SOX9: variants seen among roughly 807,000 people sequenced by gnomAD.
SOX9 encodes SRY-box transcription factor 9, also known as transcription factor SOX-9.
In SOX9, 2 loss-of-function variants were observed where a neutral mutation model predicts 44.8. That is an observed-to-expected ratio of 0.04 (90% CI 0.02 to 0.14). The LOEUF (loss-of-function observed/expected upper bound fraction) is 0.14, where lower values mean the gene tolerates loss of function less well. SOX9 is among the 10% of genes least tolerant of loss of function. SOX9 has a pLI of 1.00. For missense variants in SOX9, 583 were observed against 728.6 expected (o/e 0.80, Z 2.30); for synonymous variants, 381 against 331.8 (o/e 1.15, Z -1.61).
rs1441332525 is a variant in SOX9 at position 72,124,158 on chromosome 17, C to T, written c.1301C>T (p.Pro434Leu). The change falls in exon 3 of 3, where the codon CCC (proline) becomes CTC (leucine). Residue 434 changes from proline to leucine, a missense_variant. Physicochemically the swap from Pro to Leu is moderately conservative, Grantham distance 98. Transcript: ENST00000245479. This position sits in a 1 kb window ranked among gnomAD's most constrained non-coding sequence, Gnocchi z 4.6. ...NLPHYSPSYPPITRSQYDYTD... is the reference protein window; with the variant it reads ...NLPHYSPSYPLITRSQYDYTD... ...CCACACTACAGCCCCTCCTACCCGC[C>T]CATCACCCGCTCACAGTACGACTAC... 6.2e-7 allele frequency: 1 copy of T among 1,613,916 alleles called. No homozygotes were observed. Among genetic ancestry groups the T allele is most frequent in the Non-Finnish European group, 8.5e-7 (1 of 1,180,036 alleles).
rs1908106634 is a variant in SOX9, at chr17:72,121,885, G to A, written c.431+63G>A. On this transcript the variant is annotated intron_variant, in intron 1 of 2. Transcript: ENST00000245479. This position sits in a 1 kb window ranked among gnomAD's most constrained non-coding sequence, Gnocchi z 8.3. ...CGCGGCGGCTGGGGGCGCTGGTCAG[G>A]GCTGATTTGCCCCGCCCCGCCTCCC... The A allele has an allele frequency of 1.4e-6, 2 of 1,468,382 alleles. No individual in the cohort carries two copies. The highest frequency in any genetic ancestry group is 2.5e-5 in the East Asian group (1 of 40,366). The allele number at this position is 1,468,382 out of a possible 1,614,324, so 91.0% of individuals were successfully genotyped here.
At position 72,121,927 on chromosome 17, in the gene SOX9, C is replaced by G. The variant is rs146089313; in HGVS notation, c.431+105C>G. 1.5e-5 allele frequency: 21 copies of G among 1,365,950 alleles called. No homozygotes were observed. In the East Asian group the frequency reaches 1.8e-4, roughly 12 times the overall value. 84.6% of individuals were successfully genotyped at this position (1,365,950 alleles called of 1,614,324 possible). On this transcript the variant is annotated intron_variant, in intron 1 of 2. Coordinates refer to ENST00000245479, the MANE Select transcript of SOX9 (RefSeq NM_000346.4). This position sits in a 1 kb window ranked among gnomAD's most constrained non-coding sequence, Gnocchi z 8.3. The stretch of plus-strand genomic sequence containing the variant: ...CCGCCTCCCATCGCCCGGGAGTTGC[C>G]GTTCCGGGAGCCGGCGGGATGGGGT...
Position 72,124,075 on chromosome 17 carries a change from C to A in SOX9, c.1218C>A (p.His406Gln), listed in dbSNP as rs771153279. 6.2e-7 allele frequency: 1 copy of A among 1,613,626 alleles called. No individual in the cohort carries two copies. Among genetic ancestry groups the A allele is most frequent in the South Asian group, 1.1e-5 (1 of 91,076 alleles). The change falls in exon 3 of 3, where the codon CAC becomes CAA. Residue 406 changes from histidine (H) to glutamine (Q), a missense_variant. His to Gln is a conservative substitution (Grantham distance 24, BLOSUM62 0). This residue lies in a region of SOX9 where 349 missense variants were observed against 387.0 expected (regional missense o/e 0.90). Transcript: ENST00000245479. This position sits in a 1 kb window ranked among gnomAD's most constrained non-coding sequence, Gnocchi z 4.6. ...HIKTEQLSPSHYSEQQQHSPQ... is the reference protein window; with the variant it reads ...HIKTEQLSPSQYSEQQQHSPQ... ...AGACGGAGCAGCTGAGCCCCAGCCA[C>A]TACAGCGAGCAGCAGCAGCACTCGC... is the stretch of plus-strand genomic sequence containing the variant.
rs746125506 is a variant in SOX9, at chr17:72,124,278, G to A, written c.1421G>A (p.Arg474His). ...STFTYMNPAQ[R>H]PMYTPIADTS... is the part of the protein sequence containing the mutation. The stretch of plus-strand genomic sequence containing the variant: ...TTCACCTACATGAACCCCGCTCAGC[G>A]CCCCATGTACACCCCCATCGCCGAC... The change falls in exon 3 of 3, where the codon CGC (arginine) becomes CAC (histidine). Residue 474 changes from arginine (R) to histidine (H), a missense_variant. Physicochemically the swap from Arg to His is conservative, Grantham distance 29. Coordinates refer to ENST00000245479, the MANE Select transcript of SOX9 (RefSeq NM_000346.4). The surrounding 1 kb of genome is among the most constrained non-coding windows in gnomAD (Gnocchi z 4.6). 1.2e-6 allele frequency: 2 copies of A among 1,611,498 alleles called. No homozygotes were observed. Among genetic ancestry groups the A allele is most frequent in the African/African-American group, 1.3e-5 (1 of 74,834 alleles).
rs1908281945 is a variant in SOX9, at chr17:72,126,289, T to C, written c.*1902T>C. 2 of 233,204 alleles carry C rather than the reference T, an allele frequency of 8.6e-6. No individual in the cohort carries two copies. Among genetic ancestry groups the C allele is most frequent in the Admixed American group, 1.1e-4 (2 of 17,762 alleles). 14.4% of individuals were successfully genotyped at this position (233,204 alleles called of 1,614,324 possible). A position where few individuals can be genotyped will look rare whatever the true frequency, so the allele number is the denominator to read the frequency against. ...GCTTTGGTTTGTGTTCGTGTTTTGTTTGTTTCACTTGTTTCCCTCCCAGCC... is the reference window on the plus strand; with the variant it reads ...GCTTTGGTTTGTGTTCGTGTTTTGTCTGTTTCACTTGTTTCCCTCCCAGCC... On this transcript the variant is annotated 3_prime_UTR_variant, in exon 3 of 3. Coordinates refer to ENST00000245479, the MANE Select transcript of SOX9 (RefSeq NM_000346.4).
rs769605571 is a variant in SOX9, at chr17:72,121,433, G to A, written c.42G>A (p.Gln14=). 6.7e-5 allele frequency: 108 copies of A among 1,612,854 alleles called. 2 individuals carry two copies. The Admixed American group carries it at 1.3e-3, about 20-fold the overall frequency. Residue 14 remains glutamine, a synonymous_variant, in exon 1 of 3, where the codon CAG becomes CAA. Coordinates refer to ENST00000245479, the MANE Select transcript of SOX9 (RefSeq NM_000346.4). This position sits in a 1 kb window ranked among gnomAD's most constrained non-coding sequence, Gnocchi z 8.3. ...LDPFMKMTDE[Q]EKGLSGAPSP... The stretch of plus-strand genomic sequence containing the variant: ...CCTTCATGAAGATGACCGACGAGCA[G>A]GAGAAGGGCCTGTCCGGCGCCCCCA...
chr17:72,124,356 A>AACC lies in SOX9; in HGVS notation c.1500_1502dup (p.Pro501dup). ...ACCCACAGCCCCCAGCACTGGGAACAACCCGTCTACACACAGCTCACTCGA... is the reference window on the plus strand; with the variant it reads ...ACCCACAGCCCCCAGCACTGGGAACAACCACCCGTCTACACACAGCTCACTCGA... On this transcript the variant is annotated inframe_insertion, in exon 3 of 3. Coordinates refer to ENST00000245479, the MANE Select transcript of SOX9 (RefSeq NM_000346.4). The surrounding 1 kb of genome is among the most constrained non-coding windows in gnomAD (Gnocchi z 4.6). The AACC allele has an allele frequency of 6.2e-7, 1 of 1,600,802 alleles. No individual in the cohort carries two copies. The highest frequency in any genetic ancestry group is 1.3e-5 in the African/African-American group (1 of 74,994).
In SOX9 at chr17:72,123,192, G is replaced by A. The variant is rs936166495; in HGVS notation, c.685+220G>A. Among the ~76,000 whole-genome samples the A allele has an allele frequency of 2.0e-5, 3 of 152,312 alleles. No homozygotes were observed. Among genetic ancestry groups the A allele is most frequent in the Admixed American group, 1.3e-4 (2 of 15,298 alleles). ...CCCCAACTCAATCCCAGCATCCGAA[G>A]AGATTAACTTTTTTATTGGGAGGTA... On this transcript the variant is annotated intron_variant, in intron 2 of 2. Transcript: ENST00000245479. This position sits in a 1 kb window ranked among gnomAD's most constrained non-coding sequence, Gnocchi z 6.5.
At position 72,121,297 on chromosome 17, in the gene SOX9, G is replaced by T. The variant is rs952839941; in HGVS notation, c.-95G>T. On this transcript the variant is annotated 5_prime_UTR_variant, in exon 1 of 3. Transcript: ENST00000245479. This position sits in a 1 kb window ranked among gnomAD's most constrained non-coding sequence, Gnocchi z 8.3. Reference sequence around the variant, plus strand: ...CCGGGAGCCGCTTGCTCCGCATCCGGGCAGCCGAGGGGAGAGGAGCCCGCG... The same window carrying T: ...CCGGGAGCCGCTTGCTCCGCATCCGTGCAGCCGAGGGGAGAGGAGCCCGCG... 8.5e-7 allele frequency: 1 copy of T among 1,169,990 alleles called. No homozygotes were observed. The highest frequency in any genetic ancestry group is 2.5e-5 in the East Asian group (1 of 40,602). 72.5% of individuals were successfully genotyped at this position (1,169,990 alleles called of 1,614,324 possible). A position where few individuals can be genotyped will look rare whatever the true frequency, so the allele number is the denominator to read the frequency against.
rs747786977 is a variant in SOX9 at position 72,121,547 on chromosome 17, G to A, written c.156G>A (p.Thr52=). ...AGAACACGCGGCCCCAGGAGAACAC[G>A]TTCCCCAAGGGCGAGCCCGATCTGA... is the stretch of plus-strand genomic sequence containing the variant. ...DTENTRPQEN[T]FPKGEPDLKK... The change falls in exon 1 of 3, where the codon ACG becomes ACA. Residue 52 remains threonine, a synonymous_variant. Coordinates refer to ENST00000245479, the MANE Select transcript of SOX9 (RefSeq NM_000346.4). This position sits in a 1 kb window ranked among gnomAD's most constrained non-coding sequence, Gnocchi z 8.3. 2 of 1,609,334 alleles carry A rather than the reference G, an allele frequency of 1.2e-6. No individual in the cohort carries two copies. Among genetic ancestry groups the A allele is most frequent in the South Asian group, 1.1e-5 (1 of 90,080 alleles).
rs1908070871 is a variant in SOX9, at chr17:72,121,133, G to GC, written c.-254dup. ...GGAGGAGAAGAGAAGGGGTGCAAGC[G>GC]CCCCCACTTTTGCTCTTTTTCCTCC... On this transcript the variant is annotated 5_prime_UTR_variant, in exon 1 of 3. Transcript: ENST00000245479. This position sits in a 1 kb window ranked among gnomAD's most constrained non-coding sequence, Gnocchi z 8.3. The GC allele has an allele frequency of 3.5e-6, 2 of 565,640 alleles. No homozygotes were observed. Among genetic ancestry groups the GC allele is most frequent in the Admixed American group, 3.3e-5 (1 of 30,280 alleles). The allele number at this position is 565,640 out of a possible 1,614,324, so 35.0% of individuals were successfully genotyped here. A position where few individuals can be genotyped will look rare whatever the true frequency, so the allele number is the denominator to read the frequency against.
Position 72,124,511 on chromosome 17 carries a change from T to TTTCTTCTTCTTC in SOX9, c.*131_*142dup. ...TTTGTTTTTTTATTTTGTTTTGTTT[T>TTTCTTCTTCTTC]TTCTTCTTCTTCTTCTTCCTTAAAG... is the stretch of plus-strand genomic sequence containing the variant. On this transcript the variant is annotated 3_prime_UTR_variant, in exon 3 of 3. Coordinates refer to ENST00000245479, the MANE Select transcript of SOX9 (RefSeq NM_000346.4). This position sits in a 1 kb window ranked among gnomAD's most constrained non-coding sequence, Gnocchi z 4.6. The TTTCTTCTTCTTC allele has an allele frequency of 8.2e-7, 1 of 1,219,226 alleles. No individual in the cohort carries two copies. 75.5% of individuals were successfully genotyped at this position (1,219,226 alleles called of 1,614,324 possible).
Position 72,123,657 on chromosome 17 carries a change from CT to C in SOX9, c.801del (p.Ile268SerfsTer11). 1 of 1,614,104 alleles carries C rather than the reference CT, an allele frequency of 6.2e-7. No individual in the cohort carries two copies. Among genetic ancestry groups the C allele is most frequent in the East Asian group, 2.2e-5 (1 of 44,854 alleles). On this transcript the variant is annotated frameshift_variant, in exon 3 of 3. Transcript: ENST00000245479. LOFTEE classifies it high-confidence loss of function. This position sits in a 1 kb window ranked among gnomAD's most constrained non-coding sequence, Gnocchi z 6.5. ...RPLPEGGRQPPIDFRDVDIGE... is the reference protein window; with the variant it reads ...RPLPEGGRQPXIDFRDVDIGE... ...TTGCCAGAGGGGGGCAGACAGCCCC[CT>C]ATCGACTTCCGCGACGTGGACATCG... is the stretch of plus-strand genomic sequence containing the variant.
Position 72,122,872 on chromosome 17 carries a change from G to A in SOX9, c.585G>A (p.Gln195=), listed in dbSNP as rs1462517182. 1 of 1,614,040 alleles carries A rather than the reference G, an allele frequency of 6.2e-7. No individual in the cohort carries two copies. The highest frequency in any genetic ancestry group is 8.5e-7 in the Non-Finnish European group (1 of 1,180,038). The stretch of plus-strand genomic sequence containing the variant: ...CGGAGGCAGAGGAGGCCACGGAGCA[G>A]ACGCACATCTCCCCCAACGCCATCT... The part of the protein sequence containing the change: ...GQAEAEEATE[Q]THISPNAIFK... Residue 195 remains glutamine (Q), a synonymous_variant, in exon 2 of 3, where the codon CAG becomes CAA. Coordinates refer to ENST00000245479, the MANE Select transcript of SOX9 (RefSeq NM_000346.4).
chr17:72,123,889 AC>A lies in SOX9; in HGVS notation c.1037del (p.Pro346ArgfsTer37). On this transcript the variant is annotated frameshift_variant, in exon 3 of 3. Coordinates refer to ENST00000245479, the MANE Select transcript of SOX9 (RefSeq NM_000346.4). LOFTEE classifies it high-confidence loss of function. This position sits in a 1 kb window ranked among gnomAD's most constrained non-coding sequence, Gnocchi z 6.5. ...TGTCCAAGCAGCAGGCGCCGCCGCC[AC>A]CCCCGCAGCAGCCCCCACAGGCCCC... ...WMSKQQAPPP[P>X]PQQPPQAPPA... 6.8e-7 allele frequency: 1 copy of A among 1,481,182 alleles called. No homozygotes were observed. Among genetic ancestry groups the A allele is most frequent in the Non-Finnish European group, 8.9e-7 (1 of 1,117,538 alleles). 91.8% of individuals were successfully genotyped at this position (1,481,182 alleles called of 1,614,324 possible).
At position 72,123,865 on chromosome 17, in the gene SOX9, G is replaced by A. The variant is rs2143253202; in HGVS notation, c.1008G>A (p.Met336Ile). Residue 336 changes from methionine to isoleucine, a missense_variant, in exon 3 of 3, where the codon ATG (methionine) becomes ATA (isoleucine). By Grantham distance (10) the Met-to-Ile change is conservative (BLOSUM62 1). Transcript: ENST00000245479. The surrounding 1 kb of genome is among the most constrained non-coding windows in gnomAD (Gnocchi z 6.5). ...CGGCGAGCGCGGGCCACGTGTGGATGTCCAAGCAGCAGGCGCCGCCGCCAC... is the reference window on the plus strand; with the variant it reads ...CGGCGAGCGCGGGCCACGTGTGGATATCCAAGCAGCAGGCGCCGCCGCCAC... ...ATPASAGHVW[M>I]SKQQAPPPPP... is the part of the protein sequence containing the mutation. 1 of 1,564,170 alleles carries A rather than the reference G, an allele frequency of 6.4e-7. No individual in the cohort carries two copies. Among genetic ancestry groups the A allele is most frequent in the Non-Finnish European group, 8.6e-7 (1 of 1,156,424 alleles).
In SOX9 at chr17:72,122,924, C is replaced by T. The variant is rs1174435172; in HGVS notation, c.637C>T (p.His213Tyr). ...IFKALQADSP[H>Y]SSSGMSEVHS... ...CAAGGCGCTGCAGGCCGACTCGCCA[C>T]ACTCCTCCTCCGGCATGAGCGAGGT... The change falls in exon 2 of 3, where the codon CAC (histidine) becomes TAC (tyrosine). Residue 213 changes from histidine to tyrosine, a missense_variant. Transcript: ENST00000245479. 3 of 1,614,120 alleles carry T rather than the reference C, an allele frequency of 1.9e-6. No individual in the cohort carries two copies. The highest frequency in any genetic ancestry group is 1.1e-5 in the South Asian group (1 of 91,082).
Position 72,124,099 on chromosome 17 carries a change from G to T in SOX9, c.1242G>T (p.Ser414=), listed in dbSNP as rs1908206909. 1 of 1,613,644 alleles carries T rather than the reference G, an allele frequency of 6.2e-7. No homozygotes were observed. Among genetic ancestry groups the T allele is most frequent in the East Asian group, 2.2e-5 (1 of 44,870 alleles). Residue 414 remains serine (S), a synonymous_variant, in exon 3 of 3, where the codon TCG becomes TCT. Transcript: ENST00000245479. The surrounding 1 kb of genome is among the most constrained non-coding windows in gnomAD (Gnocchi z 4.6). ...ACTACAGCGAGCAGCAGCAGCACTC[G>T]CCCCAACAGATCGCCTACAGCCCCT... ...PSHYSEQQQH[S]PQQIAYSPFN... is the part of the protein sequence containing the mutation.
In SOX9 at chr17:72,123,438, T is replaced by C. The variant is rs2143249284; in HGVS notation, c.686-105T>C. 1 of 1,508,128 alleles carries C rather than the reference T, an allele frequency of 6.6e-7. No individual in the cohort carries two copies. Among genetic ancestry groups the C allele is most frequent in the Non-Finnish European group, 9.2e-7 (1 of 1,087,742 alleles). The allele number at this position is 1,508,128 out of a possible 1,614,324, so 93.4% of individuals were successfully genotyped here. A position where few individuals can be genotyped will look rare whatever the true frequency, so the allele number is the denominator to read the frequency against. On this transcript the variant is annotated intron_variant, in intron 2 of 2. Transcript: ENST00000245479. This position sits in a 1 kb window ranked among gnomAD's most constrained non-coding sequence, Gnocchi z 6.5. ...CGCCTCTTGCGCGGGTGCGGGCCCT[T>C]ATTACACTTTAGCAGCGAGGGAGGG...
Sources: gnomAD v4.1 joint callset for allele counts (sites outside exome capture counted in the v4.1 genomes callset) on GRCh38, gnomAD v4.1.1 for gene constraint, gnomAD v4.1.1 regional missense constraint, Gnocchi (gnomAD v3.1) non-coding constraint, MANE v1.5 for transcripts, NCBI Gene and HGNC (gene_info 2026-07-23, HGNC 2026-07-21) for gene names.